Variants in ATF7IP2 observed in about 807,000 individuals in gnomAD.
The protein encoded by ATF7IP2 is activating transcription factor 7 interacting protein 2.
In ATF7IP2, 42 loss-of-function variants were observed where a neutral mutation model predicts 64.2. That is an observed-to-expected ratio of 0.65 (90% CI 0.51 to 0.85). The LOEUF (loss-of-function observed/expected upper bound fraction) is 0.85. Among genes scored for constraint, ATF7IP2 ranks in the 40% least tolerant of loss-of-function variants. The pLI, the probability that ATF7IP2 is intolerant of heterozygous loss-of-function variation, is 0.00. For synonymous variants in ATF7IP2, 308 were observed against 272.8 expected (o/e 1.13, Z -1.27); for missense variants, 933 against 784.2 (o/e 1.19, Z -2.27).
chr16:10,397,075 C>G (rs1430022870), intron 1 of ATF7IP2, among the ~76,000 whole-genome samples: 4 of 152,152 alleles, frequency 2.6e-5, no homozygotes, highest in Non-Finnish European at 5.9e-5. Flanking sequence ...CACCATTTAT[C>G]AAAGCAACTA....
chr16:10,401,745 G>A (rs1352424782), intron 1 of ATF7IP2, among the ~76,000 whole-genome samples: 4 of 134,878 alleles, frequency 3.0e-5, no homozygotes, highest in Non-Finnish European at 6.4e-5. Flanking sequence ...GGGCTTTTTT[G>A]TTGTTGGGAG....
intron 3 of ATF7IP2, among the ~76,000 whole-genome samples, chr16:10,427,260 C>T (rs537125163): frequency 2.6e-5 from 4 of 152,244 alleles, no homozygotes; most frequent in Non-Finnish European, 5.9e-5. Context: ...GACAAGTAAA[C>T]ATAGCTAATA....
chr16:10,461,373 T>A (rs2142026314), intron 9 of ATF7IP2, among the ~76,000 whole-genome samples: 1 of 152,264 alleles, frequency 6.6e-6, no homozygotes, highest in Admixed American at 6.5e-5. Context: ...CTATTGCATG[T>A]TGATATGCCA....
Position 10,438,153 on chromosome 16 carries a change from A to G in ATF7IP2, c.1013A>G (p.Asp338Gly). 1.2e-6 allele frequency: 2 copies of G among 1,602,222 alleles called. No individual in the cohort carries two copies. The highest frequency in any genetic ancestry group is 1.7e-6 in the Non-Finnish European group (2 of 1,174,998). The change falls in exon 7 of 14, where the codon GAT becomes GGT. Residue 338 changes from aspartate to glycine, a missense_variant. By Grantham distance (94) the Asp-to-Gly change is moderately conservative. Coordinates refer to ENST00000562102, the MANE Select transcript of ATF7IP2 (RefSeq NM_001393719.1). ...EIYSINYELFDKKLKELNQRI... is the reference protein window; with the variant it reads ...EIYSINYELFGKKLKELNQRI... ...TATAGCATAAATTATGAACTATTTG[A>G]TAAGAAACTGAAAGAATTGAACCAA...
In ATF7IP2 at chr16:10,473,923, G is replaced by A. The variant is rs745598578; in HGVS notation, c.1483G>A (p.Ala495Thr). 4 of 1,265,350 alleles carry A rather than the reference G, an allele frequency of 3.2e-6. No homozygotes were observed. The highest frequency in any genetic ancestry group is 3.4e-5 in the South Asian group (2 of 58,942). The allele number at this position is 1,265,350 out of a possible 1,614,324, so 78.4% of individuals were successfully genotyped here. ...SSNSPNAEVM[A>T]VQKKLDSIID... ...TTTTTTTTTTTTACAATTTTTTTAGGCTGTACAGAAGAAACTTGATTCTAT... is the reference window on the plus strand; with the variant it reads ...TTTTTTTTTTTTACAATTTTTTTAGACTGTACAGAAGAAACTTGATTCTAT... Residue 495 changes from alanine (A) to threonine (T), a missense_variant and splice_region_variant, in exon 12 of 14, where the codon GCT becomes ACT. Ala to Thr is a moderately conservative substitution (Grantham distance 58). Coordinates refer to ENST00000562102, the MANE Select transcript of ATF7IP2 (RefSeq NM_001393719.1).
intron 1 of ATF7IP2, among the ~76,000 whole-genome samples, chr16:10,410,000 G>A (rs966873404): frequency 2.6e-5 from 4 of 152,212 alleles, no homozygotes; most frequent in Non-Finnish European, 5.9e-5. Flanking sequence ...TTTGAAGTCA[G>A]GTAATGTGAT....
intron 12 of ATF7IP2, among the ~76,000 whole-genome samples, chr16:10,479,224 C>T (rs1261078593): frequency 1.3e-5 from 2 of 149,992 alleles, no homozygotes; most frequent in Non-Finnish European, 3.0e-5. Flanking sequence ...CGGCACTATT[C>T]ACAATAGCAA....
chr16:10,444,326 G>C (rs1164063757), intron 8 of ATF7IP2, among the ~76,000 whole-genome samples: 1 of 152,112 alleles, frequency 6.6e-6, no homozygotes, highest in Non-Finnish European at 1.5e-5. Context: ...ACCTGAGTGT[G>C]ATGGGTCTAC....
rs1177993861 is a variant in ATF7IP2 at position 10,481,999 on chromosome 16, A to G, written c.1799A>G (p.Lys600Arg). ...ATTGCCCTGACTTGGAATATAACCA[A>G]AATCAATCCCAAGTGTGCTCCTGTA... The part of the protein sequence containing the change: ...NGIALTWNIT[K>R]INPKCAPVES... The change falls in exon 14 of 14, where the codon AAA (lysine) becomes AGA (arginine). Residue 600 changes from lysine (K) to arginine (R), a missense_variant. Coordinates refer to ENST00000562102, the MANE Select transcript of ATF7IP2 (RefSeq NM_001393719.1). The G allele has an allele frequency of 1.2e-6, 2 of 1,613,944 alleles. No individual in the cohort carries two copies. The highest frequency in any genetic ancestry group is 1.7e-5 in the Admixed American group (1 of 59,992).
At chr16:10,409,868 G>A (rs1343849800) in intron 1 of ATF7IP2, among the ~76,000 whole-genome samples, 1 of 152,174 alleles carries the variant, frequency 6.6e-6, no homozygotes. Context: ...TGTTTGCTTT[G>A]TCAAAGCTCA....
Position 10,481,909 on chromosome 16 carries a change from C to A in ATF7IP2, c.1709C>A (p.Thr570Asn), listed in dbSNP as rs754109116. The change falls in exon 14 of 14, where the codon ACC (threonine) becomes AAC (asparagine). Residue 570 changes from threonine (T) to asparagine (N), a missense_variant. By Grantham distance (65) the Thr-to-Asn change is moderately conservative (BLOSUM62 0). Transcript: ENST00000562102. ...CCACTACCTGAATTAGTAGACAAAA[C>A]CCGAGACACACTTCCTCCCCAGAAG... ...PAPLPELVDK[T>N]RDTLPPQKPE... The A allele has an allele frequency of 6.2e-6, 10 of 1,613,882 alleles. No individual in the cohort carries two copies. Among genetic ancestry groups the A allele is most frequent in the Non-Finnish European group, 8.5e-6 (10 of 1,179,926 alleles).
At chr16:10,397,838 C>T (rs1357844098) in intron 1 of ATF7IP2, among the ~76,000 whole-genome samples, 1 of 125,652 alleles carries the variant, frequency 8.0e-6, no homozygotes, top group South Asian at 2.5e-4. Flanking sequence ...ACCTGGGTGA[C>T]AAGAGTGAGA....
chr16:10,454,999 T>C (rs2049120301), intron 8 of ATF7IP2, among the ~76,000 whole-genome samples: 1 of 152,346 alleles, frequency 6.6e-6, no homozygotes, highest in African/African-American at 2.4e-5. Context: ...ACTTGACGAA[T>C]GTTCCATGTA....
intron 3 of ATF7IP2, among the ~76,000 whole-genome samples, chr16:10,423,415 C>T (rs994093726): frequency 6.6e-6 from 1 of 152,164 alleles, no homozygotes; most frequent in African/African-American, 2.4e-5. Flanking sequence ...AAGGAAAAGG[C>T]TCAAACGTAG....
At chr16:10,463,025 G>A (rs949725988) in intron 9 of ATF7IP2, among the ~76,000 whole-genome samples, 6 of 152,052 alleles carry the variant, frequency 3.9e-5, no homozygotes, top group African/African-American at 7.2e-5. Flanking sequence ...ATGTTCTTTG[G>A]TGAAATTCTT....
intron 1 of ATF7IP2, among the ~76,000 whole-genome samples, chr16:10,389,008 T>C (rs1270785702): frequency 6.2e-5 from 9 of 144,052 alleles, no homozygotes; most frequent in Non-Finnish European, 1.1e-4. Flanking sequence ...CAAGACTGTC[T>C]CAAAAAAAAA....
chr16:10,451,879 C>G (rs1262861655), intron 8 of ATF7IP2, among the ~76,000 whole-genome samples: 1 of 151,916 alleles, frequency 6.6e-6, no homozygotes, highest in African/African-American at 2.4e-5. Flanking sequence ...TAGTGAAACC[C>G]CATCTCTACT....
chr16:10,443,663 C>T (rs1235630523), intron 8 of ATF7IP2, among the ~76,000 whole-genome samples: 1 of 152,016 alleles, frequency 6.6e-6, no homozygotes, highest in African/African-American at 2.4e-5. Context: ...GGAGTGGCAC[C>T]CACTATTTGA....
chr16:10,425,739 C>A lies in ATF7IP2; in HGVS notation c.-159-3129C>A, dbSNP rs116168214. ...AGGAACCCCATCTCTATTAAAAATA[C>A]AAAATTAGCCAGGCCTGGTGCCACA... On this transcript the variant is annotated intron_variant, in intron 3 of 13. Transcript: ENST00000562102. Among the ~76,000 whole-genome samples, 6 of 151,918 alleles carry A rather than the reference C, an allele frequency of 3.9e-5. No individual in the cohort carries two copies. In the South Asian group the frequency reaches 1.2e-3, roughly 32 times the overall value.
Sources: gnomAD v4.1 joint callset for allele counts (sites outside exome capture counted in the v4.1 genomes callset) on GRCh38, gnomAD v4.1.1 for gene constraint, MANE v1.5 for transcripts, NCBI Gene and HGNC (gene_info 2026-07-23, HGNC 2026-07-21) for gene names.